The following RP1 variants were observed in gnomAD, a reference collection of about 807,000 sequenced individuals.
RP1 encodes oxygen-regulated protein 1.
RP1 carries 16 observed loss-of-function variants against 14.8 expected under a neutral mutation model. The observed-to-expected ratio is 1.08, with a 90% CI of 0.73 to 1.65. RP1 has a LOEUF of 1.65. RP1 is among the 40% of genes most tolerant of loss of function. The pLI, the probability that RP1 is intolerant of heterozygous loss-of-function variation, is 0.00. For synonymous variants in RP1, 876 were observed against 883.6 expected (o/e 0.99, Z 0.15); for missense variants, 2,631 against 2,535.0 (o/e 1.04, Z -0.81).
chr8:54,869,764 G>A, intron 28 of RP1: 1 of 503,324 alleles, frequency 2.0e-6, no homozygotes, highest in East Asian at 3.6e-5. Flanking sequence ...CTTTCCATAT[G>A]TTTTTTTTTC....
chr8:54,843,364 G>A (rs977195302), intron 25 of RP1, among the ~76,000 whole-genome samples: 5 of 152,264 alleles, frequency 3.3e-5, no homozygotes, highest in Middle Eastern at 6.8e-3. Context: ...TTACAGGTGT[G>A]AGCCATGGTG....
chr8:54,682,452 A>C (rs2129336199), intron 12 of RP1, among the ~76,000 whole-genome samples: 1 of 152,110 alleles, frequency 6.6e-6, no homozygotes, highest in African/African-American at 2.4e-5. Context: ...TTACCTGGCA[A>C]TCCCATTACC....
chr8:54,790,357 G>A (rs1810433596), intron 24 of RP1, among the ~76,000 whole-genome samples: 1 of 152,184 alleles, frequency 6.6e-6, no homozygotes, highest in African/African-American at 2.4e-5. Flanking sequence ...CTGCCAAAGT[G>A]AACCTGTAAA....
chr8:54,603,548 A>C (rs1488016237), intron 1 of RP1, among the ~76,000 whole-genome samples: 1 of 148,174 alleles, frequency 6.7e-6, no homozygotes, highest in Non-Finnish European at 1.5e-5. Flanking sequence ...TATGAACTTG[A>C]AAGTAGTTTT....
chr8:54,802,680 C>T (rs914316044), intron 24 of RP1, among the ~76,000 whole-genome samples: 3 of 152,172 alleles, frequency 2.0e-5, no homozygotes, highest in South Asian at 2.1e-4. Flanking sequence ...GGTTTAACAC[C>T]GTGCTCAGGT....
At chr8:54,595,321 G>A (rs1403382076) in intron 1 of RP1, among the ~76,000 whole-genome samples, 1 of 152,070 alleles carries the variant, frequency 6.6e-6, no homozygotes, top group Admixed American at 6.5e-5. Context: ...AGTAGAGACA[G>A]GGTTTCACTC....
chr8:54,837,005 T>C (rs1811672942), intron 24 of RP1, among the ~76,000 whole-genome samples: 1 of 152,184 alleles, frequency 6.6e-6, no homozygotes, highest in Non-Finnish European at 1.5e-5. Context: ...TTACCAACAC[T>C]TCTGTAGAAT....
intron 24 of RP1, among the ~76,000 whole-genome samples, chr8:54,794,927 A>G (rs1810546015): frequency 6.6e-6 from 1 of 152,086 alleles, no homozygotes; most frequent in African/African-American, 2.4e-5. Flanking sequence ...AAAAATGGGA[A>G]AAGACCTGAA....
rs1015833241 is a variant in RP1 at position 54,693,372 on chromosome 8, G to A, written c.1718-6095G>A. Among the ~76,000 whole-genome samples, 3 of 152,154 alleles carry A rather than the reference G, an allele frequency of 2.0e-5. No individual in the cohort carries two copies. The East Asian group carries it at 5.8e-4, about 29-fold the overall frequency. ...CTGTGAAGAAAGTCATTGGTAGCTTGATGGGGATGGCCTTGAATCTATAAA... is the reference window on the plus strand; with the variant it reads ...CTGTGAAGAAAGTCATTGGTAGCTTAATGGGGATGGCCTTGAATCTATAAA... On this transcript the variant is annotated intron_variant, in intron 12 of 22. Coordinates refer to the RP1 transcript ENST00000636932.
At chr8:54,674,732 GAA>G (rs146945978) in intron 8 of RP1, among the ~76,000 whole-genome samples, 1 of 151,132 alleles carries the variant, frequency 6.6e-6, no homozygotes, top group African/African-American at 2.4e-5. Context: ...TATAATCCAT[GAA>G]AAAAAAATTA....
Position 54,621,579 on chromosome 8 carries a change from A to C in RP1, c.613A>C (p.Arg205=). The stretch of plus-strand genomic sequence containing the variant: ...CAAGCTGTACGCTACGGACGGAAGG[A>C]GGGTGAGCGTTCTGGGGGCTCCTCG... ...VVKLYATDGR[R]VPSLQAVILS... Residue 205 remains arginine, a splice_region_variant and synonymous_variant, in exon 2 of 4, where the codon AGG becomes CGG. Transcript: ENST00000220676. 1 of 1,614,080 alleles carries C rather than the reference A, an allele frequency of 6.2e-7. No homozygotes were observed. The highest frequency in any genetic ancestry group is 8.5e-7 in the Non-Finnish European group (1 of 1,180,014).
intron 12 of RP1, among the ~76,000 whole-genome samples, chr8:54,697,873 C>T (rs556223055): frequency 6.6e-6 from 1 of 152,162 alleles, no homozygotes; most frequent in African/African-American, 2.4e-5. Flanking sequence ...TTCATTACAC[C>T]TTATACAAAA....
intron 3 of RP1, among the ~76,000 whole-genome samples, chr8:54,648,731 A>T (rs1806598480): frequency 6.6e-6 from 1 of 152,168 alleles, no homozygotes; most frequent in Non-Finnish European, 1.5e-5. Flanking sequence ...ACAATAATAT[A>T]GTAATGATAC....
Position 54,626,070 on chromosome 8 carries a change from G to A in RP1, c.2188G>A (p.Asp730Asn). ...TAAAGGAGGGATACTTTGTGAGGAA[G>A]ACCTCCAGAAAAGTGATACTGTAAT... ...PLKGGILCEE[D>N]LQKSDTVIES... Residue 730 changes from aspartate (D) to asparagine (N), a missense_variant, in exon 4 of 4, where the codon GAC becomes AAC. By Grantham distance (23) the Asp-to-Asn change is conservative. Transcript: ENST00000220676. The A allele has an allele frequency of 6.2e-7, 1 of 1,613,500 alleles. No homozygotes were observed. The highest frequency in any genetic ancestry group is 1.3e-5 in the African/African-American group (1 of 75,000).
chr8:54,715,986 A>G (rs957467975), intron 15 of RP1, among the ~76,000 whole-genome samples: 11 of 152,238 alleles, frequency 7.2e-5, no homozygotes, highest in African/African-American at 2.4e-4. Flanking sequence ...TGTGTAAGTC[A>G]TGAGCAATTC....
rs1585561971 is a variant in RP1, at chr8:54,625,147, C to T, written c.1265C>T (p.Ser422Phe). The T allele has an allele frequency of 1.2e-6, 2 of 1,614,150 alleles. No homozygotes were observed. Among genetic ancestry groups the T allele is most frequent in the Non-Finnish European group, 8.5e-7 (1 of 1,180,034 alleles). Residue 422 changes from serine (S) to phenylalanine (F), a missense_variant, in exon 4 of 4, where the codon TCT becomes TTT. By Grantham distance (155) the Ser-to-Phe change is radical. Transcript: ENST00000220676. ...MTDQVAETCS[S>F]ASWENATVDT... is the part of the protein sequence containing the mutation. ...GATCAAGTGGCTGAAACTTGCAGTT[C>T]TGCTAGTTGGGAGAATGCTACTGTG...
chr8:54,743,675 C>T (rs1809152884), intron 19 of RP1, among the ~76,000 whole-genome samples: 2 of 152,026 alleles, frequency 1.3e-5, no homozygotes, highest in African/African-American at 4.8e-5. Context: ...TCTTTACTTT[C>T]TGATTTGAAA....
At position 54,624,609 on chromosome 8, in the gene RP1, C is replaced by G. The variant is rs1805974853; in HGVS notation, c.788-61C>G. 6.5e-7 allele frequency: 1 copy of G among 1,545,736 alleles called. No homozygotes were observed. The highest frequency in any genetic ancestry group is 1.4e-5 in the African/African-American group (1 of 73,206). Reference sequence around the variant, plus strand: ...TGCCTCTTCCTTTGGATATTTCTAACTTCTCTGCCTTCCATATTATATTTT... The same window carrying G: ...TGCCTCTTCCTTTGGATATTTCTAAGTTCTCTGCCTTCCATATTATATTTT... On this transcript the variant is annotated intron_variant, in intron 3 of 3. Coordinates refer to ENST00000220676, the MANE Select transcript of RP1 (RefSeq NM_006269.2).
intron 3 of RP1, among the ~76,000 whole-genome samples, chr8:54,648,776 A>G (rs1806599227): frequency 6.6e-6 from 1 of 152,176 alleles, no homozygotes; most frequent in South Asian, 2.1e-4. Context: ...CTTTTTGGAA[A>G]TATTCTCACT....
Sources: gnomAD v4.1 joint callset for allele counts (sites outside exome capture counted in the v4.1 genomes callset) on GRCh38, gnomAD v4.1.1 for gene constraint, MANE v1.5 for transcripts, NCBI Gene and HGNC (gene_info 2026-07-23, HGNC 2026-07-21) for gene names.